The following KCNT1 variants were observed in gnomAD, a reference collection of about 807,000 sequenced individuals.
KCNT1 encodes the protein potassium channel subfamily T member 1.
In KCNT1, 78 loss-of-function variants were observed where a neutral mutation model predicts 147.8. The ratio of observed to expected loss-of-function variants is 0.53; its 90% CI spans 0.44 to 0.64. KCNT1 has a LOEUF of 0.64. Among genes scored for constraint, KCNT1 ranks in the 30% least tolerant of loss-of-function variants. KCNT1 has a pLI of 0.00. For synonymous variants in KCNT1, 867 were observed against 748.8 expected, an observed-to-expected ratio of 1.16 and a Z score of -2.58; for missense variants, 1,419 against 1,750.3, an observed-to-expected ratio of 0.81 and a Z score of 3.38.
chr9:135,732,309 G>A (rs1247426583), intron 2 of KCNT1, among the ~76,000 whole-genome samples: 7 of 152,016 alleles, frequency 4.6e-5, no homozygotes, highest in African/African-American at 1.5e-4. Context: ...ATGAGCCACC[G>A]CAACTGGCTT....
rs1302973562 is a variant in KCNT1, at chr9:135,769,055, C to T, written c.1510+118C>T. On this transcript the variant is annotated intron_variant, in intron 15 of 30. Coordinates refer to ENST00000371757, the MANE Select transcript of KCNT1 (RefSeq NM_020822.3). ...CACATGTGTGACGGTGCGTCTGGGG[C>T]AGGACGCGTGTGCACACGTGGGTGA... The T allele has an allele frequency of 4.5e-5, 34 of 761,686 alleles. No individual in the cohort carries two copies. The Middle Eastern group carries it at 1.3e-3, about 30-fold the overall frequency. 47.2% of individuals were successfully genotyped at this position (761,686 alleles called of 1,614,324 possible). A position where few individuals can be genotyped will look rare whatever the true frequency, so the allele number is the denominator to read the frequency against.
chr9:135,784,177 A>T, intron 25 of KCNT1, 52 bp downstream of exon 25: 1 of 1,366,592 alleles, frequency 7.3e-7, no homozygotes, highest in South Asian at 1.2e-5. Context: ...GACCCCCGTC[A>T]TGCCCTCAGC....
chr9:135,770,191 G>T, intron 16 of KCNT1, 107 bp from the exon 17 acceptor site: 1 of 1,424,788 alleles, frequency 7.0e-7, no homozygotes, highest in Non-Finnish European at 9.5e-7. Flanking sequence ...GCATAGGGAG[G>T]GGATCCATGC....
At chr9:135,756,277 A>G (rs1461507414) in intron 6 of KCNT1, among the ~76,000 whole-genome samples, 1 of 151,622 alleles carries the variant, frequency 6.6e-6, no homozygotes, top group Non-Finnish European at 1.5e-5. Flanking sequence ...GGACTTCCTG[A>G]CCCCCTCTGT....
chr9:135,769,809 T>C (rs1424332237), intron 15 of KCNT1, 138 bp from the exon 16 acceptor site: 8 of 644,848 alleles, frequency 1.2e-5, no homozygotes, highest in South Asian at 3.6e-5. Context: ...GGGGCAGAGA[T>C]GCTGAAGCCG....
rs1588336528 is a variant in KCNT1 at position 135,762,199 on chromosome 9, T to A, written c.1035+2340T>A. ...GGGCTCATGCCTGTAACCCCAGTAC[T>A]TTGAAAGGCCAAGGCGGGAGGATCG... is the stretch of plus-strand genomic sequence containing the variant. On this transcript the variant is annotated intron_variant, in intron 11 of 30. Coordinates refer to ENST00000371757, the MANE Select transcript of KCNT1 (RefSeq NM_020822.3). Among the ~76,000 whole-genome samples, 5 of 152,276 alleles carry A rather than the reference T, an allele frequency of 3.3e-5. No individual in the cohort carries two copies. In the South Asian group the frequency reaches 1.0e-3, roughly 32 times the overall value.
Position 135,793,528 on chromosome 9 carries a change from C to T in KCNT1, c.*1367C>T, listed in dbSNP as rs1022584384. ...GCTGGGGATCCCCTACACTGGGGGTCAGGGCTGCCCCAGGTGGGGATGTGT... is the reference window on the plus strand; with the variant it reads ...GCTGGGGATCCCCTACACTGGGGGTTAGGGCTGCCCCAGGTGGGGATGTGT... On this transcript the variant is annotated 3_prime_UTR_variant, in exon 31 of 31. Transcript: ENST00000371757. 1 of 152,322 alleles carries T rather than the reference C, an allele frequency of 6.6e-6. No homozygotes were observed. The highest frequency in any genetic ancestry group is 2.4e-5 in the African/African-American group (1 of 41,454). 9.4% of individuals were successfully genotyped at this position (152,322 alleles called of 1,614,324 possible).
At chr9:135,769,110 C>T (rs1223599663) in intron 15 of KCNT1, among the ~76,000 whole-genome samples, 173 bp downstream of exon 15, 10 of 97,228 alleles carry the variant, frequency 1.0e-4, no homozygotes, top group Non-Finnish European at 1.8e-4. Flanking sequence ...TGCGTGTGCA[C>T]ACGTGGGTGT....
intron 29 of KCNT1, among the ~76,000 whole-genome samples, chr9:135,788,482 T>A (rs1027287982): frequency 6.6e-6 from 1 of 152,250 alleles, no homozygotes; most frequent in South Asian, 2.1e-4. Context: ...CTGTTTACGA[T>A]GAGCTCTGAT....
chr9:135,750,790 A>G (rs1831111294), intron 3 of KCNT1, 152 bp from the exon 4 acceptor site: 1 of 681,140 alleles, frequency 1.5e-6, no homozygotes, highest in South Asian at 1.7e-5. Context: ...CCCCCAAACA[A>G]CGCAGGGCAC....
intron 24 of KCNT1, 119 bp downstream of exon 24, chr9:135,779,589 TGG>T: frequency 1.3e-6 from 1 of 750,070 alleles, no homozygotes; most frequent in South Asian, 1.6e-5. Context: ...GCCCTCCTGC[TGG>T]GGAACTCAGG....
chr9:135,772,755 T>C lies in KCNT1; in HGVS notation c.2049T>C (p.Pro683=), dbSNP rs1234688449. ...AMDLQGTEHR[P]TQSGGGGGGS... ...ACCTGCAGGGCACAGAGCACCGGCCTACGCAGAGCGGCGGTGGGGGCGGGG... is the reference window on the plus strand; with the variant it reads ...ACCTGCAGGGCACAGAGCACCGGCCCACGCAGAGCGGCGGTGGGGGCGGGG... Residue 683 remains proline, a synonymous_variant, in exon 19 of 31, where the codon CCT becomes CCC. Transcript: ENST00000371757. 2 of 1,466,426 alleles carry C rather than the reference T, an allele frequency of 1.4e-6. No homozygotes were observed. Among genetic ancestry groups the C allele is most frequent in the African/African-American group, 2.8e-5 (2 of 70,212 alleles). The allele number at this position is 1,466,426 out of a possible 1,614,324, so 90.8% of individuals were successfully genotyped here. A position where few individuals can be genotyped will look rare whatever the true frequency, so the allele number is the denominator to read the frequency against.
Position 135,759,751 on chromosome 9 carries a change from C to T in KCNT1, c.927C>T (p.Ile309=), listed in dbSNP as rs1201715305. ...TCCTGACCTCCTTCTACTTCTGCAT[C>T]GTCACCTTCTCCACCGTGGGCTACG... The part of the protein sequence containing the change: ...LSLLTSFYFC[I]VTFSTVGYGD... Residue 309 remains isoleucine, a synonymous_variant, in exon 11 of 31, where the codon ATC becomes ATT. Coordinates refer to ENST00000371757, the MANE Select transcript of KCNT1 (RefSeq NM_020822.3). The T allele has an allele frequency of 6.8e-6, 11 of 1,613,452 alleles. No homozygotes were observed. Among genetic ancestry groups the T allele is most frequent in the South Asian group, 2.2e-5 (2 of 91,072 alleles).
rs576149390 is a variant in KCNT1, at chr9:135,765,611, G to T, written c.1201-13G>T. On this transcript the variant is annotated splice_polypyrimidine_tract_variant and intron_variant, in intron 12 of 30. Transcript: ENST00000371757. ...GCTGGCTCAGAGGGTCTGACCCTCCGCCTGGCCGGCAGGACTATTACGTGG... is the reference window on the plus strand; with the variant it reads ...GCTGGCTCAGAGGGTCTGACCCTCCTCCTGGCCGGCAGGACTATTACGTGG... The T allele has an allele frequency of 3.1e-6, 5 of 1,602,424 alleles. No homozygotes were observed. Among genetic ancestry groups the T allele is most frequent in the Non-Finnish European group, 1.7e-6 (2 of 1,173,082 alleles).
chr9:135,768,185 G>A (rs141723464), intron 13 of KCNT1, among the ~76,000 whole-genome samples: 295 of 134,202 alleles, frequency 2.2e-3, no homozygotes, highest in African/African-American at 7.9e-3. Flanking sequence ...GTCCTGACCC[G>A]GCTCAGAGCC....
rs933075422 is a variant in KCNT1 at position 135,714,888 on chromosome 9, A to G, written c.254+168A>G. Among the ~76,000 whole-genome samples, 2 of 151,940 alleles carry G rather than the reference A, an allele frequency of 1.3e-5. No homozygotes were observed. Among genetic ancestry groups the G allele is most frequent in the African/African-American group, 4.8e-5 (2 of 41,368 alleles). On this transcript the variant is annotated intron_variant, in intron 2 of 30. Coordinates refer to ENST00000371757, the MANE Select transcript of KCNT1 (RefSeq NM_020822.3). This position sits in a 1 kb window ranked among gnomAD's most constrained non-coding sequence, Gnocchi z 6.2. ...CAGAAGTTTCGGAGGGGGTGCGGGC[A>G]GGGGGAAGCATCTTCTCGGGAGGGG...
rs573524284 is a variant in KCNT1, at chr9:135,770,059, A to AGTGCCCC, written c.1619+13_1619+19dup. The AGTGCCCC allele has an allele frequency of 2.4e-4, 375 of 1,548,156 alleles. No homozygotes were observed. Among genetic ancestry groups the AGTGCCCC allele is most frequent in the East Asian group, 1.6e-3 (64 of 40,944 alleles). On this transcript the variant is annotated splice_donor_region_variant and intron_variant, in intron 16 of 30. Transcript: ENST00000371757. ...TGGTGCACACGTCCCGCGGCCAGTG[A>AGTGCCCC]GTGCCCCGTGCCCCGGGGGACCGAC...
At chr9:135,775,147 G>A (rs1235919861) in intron 19 of KCNT1, among the ~76,000 whole-genome samples, 163 bp from the exon 20 acceptor site, 2 of 152,192 alleles carry the variant, frequency 1.3e-5, no homozygotes, top group African/African-American at 2.4e-5. Context: ...TGCACAGGTG[G>A]TTAAGGGAAG....
At chr9:135,731,957 C>CGT (rs1246513348) in intron 2 of KCNT1, among the ~76,000 whole-genome samples, 84 of 44,764 alleles carry the variant, frequency 1.9e-3, no homozygotes, top group Non-Finnish European at 2.7e-3. Context: ...TTCAAATATG[C>CGT]GTGTATATAT....
Sources: gnomAD v4.1 joint callset for allele counts (sites outside exome capture counted in the v4.1 genomes callset) on GRCh38, gnomAD v4.1.1 for gene constraint, Gnocchi (gnomAD v3.1) non-coding constraint, MANE v1.5 for transcripts, NCBI Gene and HGNC (gene_info 2026-07-23, HGNC 2026-07-21) for gene names.